DOCK1: variants seen among roughly 807,000 people sequenced by gnomAD.
DOCK1 encodes the protein dedicator of cytokinesis protein 1.
DOCK1 carries 138 observed loss-of-function variants against 262.7 expected under a neutral mutation model. The ratio of observed to expected loss-of-function variants is 0.53; its 90% confidence interval spans 0.46 to 0.61. The LOEUF is 0.61. Among genes scored for constraint, DOCK1 ranks in the 20% least tolerant of loss-of-function variants. DOCK1 has a pLI of 0.00. For missense variants in DOCK1, 1,908 were observed against 2,370.7 expected (o/e 0.80, Z 4.05); for synonymous variants, 866 against 867.4 (o/e 1.00, Z 0.03).
At chr10:127,288,931 T>G (rs1224073254) in intron 29 of DOCK1, among the ~76,000 whole-genome samples, 1 of 152,100 alleles carries the variant, frequency 6.6e-6, no homozygotes, top group Non-Finnish European at 1.5e-5. Context: ...AATCCTTGCA[T>G]GTAGCTAAAC....
chr10:127,131,137 A>T (rs868451690), intron 27 of DOCK1, among the ~76,000 whole-genome samples: 1 of 152,138 alleles, frequency 6.6e-6, no homozygotes, highest in Non-Finnish European at 1.5e-5. Flanking sequence ...ATGTTCTAAG[A>T]AGGGGGTGTG....
intron 1 of DOCK1, among the ~76,000 whole-genome samples, chr10:126,926,718 C>T (rs1218490114): frequency 6.6e-6 from 1 of 152,138 alleles, no homozygotes; most frequent in Non-Finnish European, 1.5e-5. Context: ...AGAACTCAGC[C>T]AAGTGAGGAT....
chr10:127,133,424 G>A (rs1199263978), intron 27 of DOCK1, among the ~76,000 whole-genome samples: 1 of 152,138 alleles, frequency 6.6e-6, no homozygotes, highest in Non-Finnish European at 1.5e-5. Context: ...GTTTTGTATA[G>A]TCATCATAAA....
At chr10:127,391,358 TAGG>T (rs755382128) in intron 38 of DOCK1, among the ~76,000 whole-genome samples, 12 of 151,818 alleles carry the variant, frequency 7.9e-5, no homozygotes, top group Non-Finnish European at 1.3e-4. Flanking sequence ...ATGAGGCAAA[TAGG>T]AGAGAGGTAG....
At chr10:127,037,846 GT>G (rs2043747692) in intron 19 of DOCK1, 30 bp downstream of exon 19, 1 of 1,401,402 alleles carries the variant, frequency 7.1e-7, no homozygotes, top group African/African-American at 1.5e-5. Flanking sequence ...GACTTTTTGG[GT>G]CTTTTTTTTT....
intron 27 of DOCK1, among the ~76,000 whole-genome samples, chr10:127,238,163 T>A (rs2059138891): frequency 2.0e-5 from 3 of 152,224 alleles, no homozygotes; most frequent in Admixed American, 2.0e-4. Flanking sequence ...TAAGATCTCT[T>A]CCCTGTGAGG....
At chr10:126,948,579 A>C (rs2035833242) in intron 1 of DOCK1, among the ~76,000 whole-genome samples, 1 of 151,918 alleles carries the variant, frequency 6.6e-6, no homozygotes, top group South Asian at 2.1e-4. Context: ...AGGCACCCTG[A>C]AACAGGGCCC....
chr10:127,218,282 T>C (rs999184541), intron 27 of DOCK1, among the ~76,000 whole-genome samples: 4 of 152,256 alleles, frequency 2.6e-5, no homozygotes, highest in African/African-American at 9.6e-5. Flanking sequence ...CATTTCCTTT[T>C]TACACCAGCA....
At chr10:127,410,059 A>C (rs2067753340) in intron 42 of DOCK1, among the ~76,000 whole-genome samples, 1 of 152,174 alleles carries the variant, frequency 6.6e-6, no homozygotes, top group Non-Finnish European at 1.5e-5. Flanking sequence ...TGGTGAAAAT[A>C]TTAATCTCTT....
Position 127,011,376 on chromosome 10 carries a change from G to C in DOCK1, c.1059-856G>C, listed in dbSNP as rs2041429159. ...CCTCCCTCCCTGTCTTTTTTAACTT[G>C]GTGACGTAAATGACAACAGTCTTCA... On this transcript the variant is annotated intron_variant, in intron 11 of 51. Transcript: ENST00000623213. Among the ~76,000 whole-genome samples the C allele has an allele frequency of 2.6e-5, 4 of 152,154 alleles. No homozygotes were observed. The South Asian group carries it at 8.3e-4, about 31-fold the overall frequency.
In DOCK1 at chr10:127,419,565, T is replaced by A. The variant is rs1264407822; in HGVS notation, c.4693-101T>A. On this transcript the variant is annotated intron_variant, in intron 45 of 51. Coordinates refer to ENST00000623213, the MANE Select transcript of DOCK1 (RefSeq NM_001290223.2). Reference sequence around the variant, plus strand: ...TGCAGTGAGCTTCGTGTGGATCTGTTTTATGCACAGCTCTATTCTCAGGGC... The same window carrying A: ...TGCAGTGAGCTTCGTGTGGATCTGTATTATGCACAGCTCTATTCTCAGGGC... 6 of 1,151,488 alleles carry A rather than the reference T, an allele frequency of 5.2e-6. No individual in the cohort carries two copies. The African/African-American group carries it at 9.3e-5, about 18-fold the overall frequency. The allele number at this position is 1,151,488 out of a possible 1,614,324, so 71.3% of individuals were successfully genotyped here.
intron 1 of DOCK1, among the ~76,000 whole-genome samples, chr10:126,919,686 A>G (rs2032974121): frequency 6.6e-6 from 1 of 152,148 alleles, no homozygotes; most frequent in South Asian, 2.1e-4. Flanking sequence ...CCCAGGCTGG[A>G]TGACCCCCCG....
At position 127,354,665 on chromosome 10, in the gene DOCK1, C is replaced by G. The variant is rs553209035; in HGVS notation, c.3225-4C>G. The G allele has an allele frequency of 6.2e-7, 1 of 1,613,716 alleles. No individual in the cohort carries two copies. The highest frequency in any genetic ancestry group is 1.3e-5 in the African/African-American group (1 of 75,046). On this transcript the variant is annotated splice_polypyrimidine_tract_variant and splice_region_variant and intron_variant, in intron 31 of 51. Coordinates refer to ENST00000623213, the MANE Select transcript of DOCK1 (RefSeq NM_001290223.2). ...TCAGCGTTTTTCTTTTCCCTGATTT[C>G]CAGGTACGGAGATATGAGGAGACAG...
At chr10:127,123,188 T>G (rs970039161) in intron 25 of DOCK1, among the ~76,000 whole-genome samples, 16 of 152,228 alleles carry the variant, frequency 1.1e-4, no homozygotes, top group Non-Finnish European at 1.5e-4. Context: ...TGTAGTCATT[T>G]TTTTCCTTAG....
intron 46 of DOCK1, among the ~76,000 whole-genome samples, chr10:127,423,541 T>G (rs1240641428): frequency 1.3e-5 from 2 of 152,192 alleles, no homozygotes; most frequent in African/African-American, 4.8e-5. Context: ...CACAATTCCA[T>G]CTTTCTCCAT....
rs1461821507 is a variant in DOCK1 at position 127,437,070 on chromosome 10, G to A, written c.5061-1957G>A. Among the ~76,000 whole-genome samples, 7 of 152,106 alleles carry A rather than the reference G, an allele frequency of 4.6e-5. No homozygotes were observed. Among genetic ancestry groups the A allele is most frequent in the Non-Finnish European group, 1.0e-4 (7 of 68,026 alleles). On this transcript the variant is annotated intron_variant, in intron 48 of 51. Transcript: ENST00000623213. This position sits in a 1 kb window ranked among gnomAD's most constrained non-coding sequence, Gnocchi z 4.4. Reference sequence around the variant, plus strand: ...CGCGTCTCGATTCTCCATATTCCCTGCATATTGGTGGTTGAATCTAGCGAT... The same window carrying A: ...CGCGTCTCGATTCTCCATATTCCCTACATATTGGTGGTTGAATCTAGCGAT...
At position 127,361,174 on chromosome 10, in the gene DOCK1, C is replaced by T. The variant is rs568892283; in HGVS notation, c.3284-890C>T. On this transcript the variant is annotated intron_variant, in intron 32 of 51. Coordinates refer to ENST00000623213, the MANE Select transcript of DOCK1 (RefSeq NM_001290223.2). ...TGTCGCCCAGGCTGGAGTGCACTGG[C>T]GTGATCTTGGCTCACTGCGACCTCT... 6.8e-5 allele frequency among the ~76,000 whole-genome samples: 9 copies of T among 132,338 alleles called. No individual in the cohort carries two copies. The South Asian group carries it at 1.2e-3, about 18-fold the overall frequency. 86.8% of individuals were successfully genotyped at this position (132,338 alleles called of 152,430 possible).
Position 127,409,094 on chromosome 10 carries a change from C to G in DOCK1, c.4180C>G (p.Arg1394Gly). The change falls in exon 41 of 52, where the codon CGG (arginine) becomes GGG (glycine). Residue 1394 changes from arginine to glycine, a missense_variant. Physicochemically the swap from Arg to Gly is moderately radical, Grantham distance 125 (BLOSUM62 -2). Coordinates refer to ENST00000623213, the MANE Select transcript of DOCK1 (RefSeq NM_001290223.2). The part of the protein sequence containing the change: ...EYERREDFEA[R>G]LLTQFPNAEK... ...TGAGCGCCGGGAAGATTTTGAGGCT[C>G]GGCTCTTAACTCAGTTTCCAAACGC... 6.2e-7 allele frequency: 1 copy of G among 1,603,052 alleles called. No homozygotes were observed. Among genetic ancestry groups the G allele is most frequent in the Non-Finnish European group, 8.5e-7 (1 of 1,174,306 alleles).
At chr10:127,242,905 C>T (rs749674247) in intron 27 of DOCK1, among the ~76,000 whole-genome samples, 97 of 152,242 alleles carry the variant, frequency 6.4e-4, no homozygotes, top group South Asian at 1.2e-3. Context: ...GGGCACCTAC[C>T]GTCCACACTC....
Sources: gnomAD v4.1 joint callset for allele counts (sites outside exome capture counted in the v4.1 genomes callset) on GRCh38, gnomAD v4.1.1 for gene constraint, Gnocchi (gnomAD v3.1) non-coding constraint, MANE v1.5 for transcripts, NCBI Gene and HGNC (gene_info 2026-07-23, HGNC 2026-07-21) for gene names.